The following CFAP61 variants were observed in gnomAD, a reference collection of about 807,000 sequenced individuals.
CFAP61 encodes cilia- and flagella-associated protein 61.
CFAP61 carries 107 observed loss-of-function variants against 135.6 expected under a neutral mutation model. That is an observed-to-expected ratio of 0.79 (90% CI 0.67 to 0.93). CFAP61 has a LOEUF of 0.93. CFAP61 is among the 40% of genes least tolerant of loss of function. The pLI is 0.00. For missense variants in CFAP61, 1,507 were observed against 1,556.2 expected, an observed-to-expected ratio of 0.97 and a Z score of 0.53; for synonymous variants, 575 against 578.5, an observed-to-expected ratio of 0.99 and a Z score of 0.09.
intron 9 of CFAP61, among the ~76,000 whole-genome samples, chr20:20,147,230 TATA>T (rs753070395): frequency 6.6e-5 from 10 of 152,224 alleles, no homozygotes; most frequent in Non-Finnish European, 1.5e-4. Flanking sequence ...GTCTTTTTCA[TATA>T]ATGACTTCTT....
chr20:20,347,795 T>G (rs756277919), intron 26 of CFAP61, among the ~76,000 whole-genome samples: 2 of 152,000 alleles, frequency 1.3e-5, no homozygotes, highest in Non-Finnish European at 2.9e-5. Flanking sequence ...TAGCCCGTCA[T>G]GGTGGCACAT....
intron 17 of CFAP61, among the ~76,000 whole-genome samples, chr20:20,207,189 C>A (rs976216735): frequency 6.6e-6 from 1 of 152,224 alleles, no homozygotes; most frequent in Non-Finnish European, 1.5e-5. Context: ...AGGTAGCAAA[C>A]AAGATGCCCA....
Position 20,065,386 on chromosome 20 carries a change from T to TA in CFAP61, c.144-5456dup, listed in dbSNP as rs11347862. Among the ~76,000 whole-genome samples, 131 of 144,688 alleles carry TA rather than the reference T, an allele frequency of 9.1e-4. 1 individual carries two copies. Among genetic ancestry groups the TA allele is most frequent in the Middle Eastern group, 3.5e-3 (1 of 284 alleles). 94.9% of individuals were successfully genotyped at this position (144,688 alleles called of 152,430 possible). On this transcript the variant is annotated intron_variant, in intron 2 of 26. Coordinates refer to ENST00000245957, the MANE Select transcript of CFAP61 (RefSeq NM_015585.4). ...TCCCCTTGCTCAGACCCCAAACATTTAAAAAAAAAAAAGTTAAAATGGAAT... is the reference window on the plus strand; with the variant it reads ...TCCCCTTGCTCAGACCCCAAACATTTAAAAAAAAAAAAAGTTAAAATGGAAT...
intron 8 of CFAP61, among the ~76,000 whole-genome samples, chr20:20,121,130 A>T (rs1210782597): frequency 3.0e-5 from 4 of 132,242 alleles, no homozygotes; most frequent in Admixed American, 8.4e-5. Context: ...TTTTTGAGAC[A>T]GGGTCTCCCT....
intron 7 of CFAP61, 106 bp from the exon 8 acceptor site, chr20:20,098,549 C>A: frequency 1.0e-6 from 1 of 970,604 alleles, no homozygotes; most frequent in Non-Finnish European, 1.5e-6. Context: ...GCGGAGGTTG[C>A]GGTGAGCCAA....
Position 20,360,396 on chromosome 20 carries a change from C to A in CFAP61, c.3700C>A (p.Pro1234Thr), listed in dbSNP as rs144636018. Reference protein sequence around the residue: ...NRYHLPMYAWPGIV With the variant: ...NRYHLPMYAWTGIV ...CTACCACCTGCCCATGTACGCGTGG[C>A]CAGGCATCGTTTAGTTGTAGGCAGG... Residue 1234 changes from proline to threonine, a missense_variant, in exon 27 of 27, where the codon CCA (proline) becomes ACA (threonine). Pro to Thr is a conservative substitution (Grantham distance 38, BLOSUM62 -1). Transcript: ENST00000245957. 197 of 1,613,614 alleles carry A rather than the reference C, an allele frequency of 1.2e-4. No homozygotes were observed. The highest frequency in any genetic ancestry group is 1.6e-4 in the Non-Finnish European group (190 of 1,179,914).
chr20:20,183,351 G>A (rs1427010545), intron 13 of CFAP61, among the ~76,000 whole-genome samples: 2 of 151,964 alleles, frequency 1.3e-5, no homozygotes, highest in Non-Finnish European at 2.9e-5. Context: ...TAGTAGAGAT[G>A]GAGTTTCACC....
At chr20:20,279,352 G>T (rs1285161475) in intron 22 of CFAP61, among the ~76,000 whole-genome samples, 1 of 152,056 alleles carries the variant, frequency 6.6e-6, no homozygotes, top group Non-Finnish European at 1.5e-5. Flanking sequence ...AGCCTAACTG[G>T]TCACATAAAC....
chr20:20,159,223 A>G, intron 9 of CFAP61, 147 bp from the exon 10 acceptor site: 1 of 652,376 alleles, frequency 1.5e-6, no homozygotes, highest in Non-Finnish European at 2.8e-6. Context: ...ACAGAGGAGG[A>G]AACTGAGGTT....
At chr20:20,308,520 G>A (rs1481255069) in intron 25 of CFAP61, among the ~76,000 whole-genome samples, 1 of 152,156 alleles carries the variant, frequency 6.6e-6, no homozygotes, top group East Asian at 1.9e-4. Flanking sequence ...TCACTCTGCA[G>A]GCCTTGCAAG....
intron 3 of CFAP61, 93 bp downstream of exon 3, chr20:20,071,097 G>A: frequency 7.7e-7 from 1 of 1,294,924 alleles, no homozygotes. Context: ...TTTGTACTGA[G>A]CAGTATATGA....
intron 25 of CFAP61, among the ~76,000 whole-genome samples, chr20:20,309,124 G>A (rs919023500): frequency 2.0e-5 from 3 of 152,136 alleles, no homozygotes; most frequent in Non-Finnish European, 2.9e-5. Flanking sequence ...AGCCACCTGG[G>A]CAGTAGGGAT....
intron 8 of CFAP61, among the ~76,000 whole-genome samples, chr20:20,124,574 T>C (rs1008431525): frequency 1.3e-5 from 2 of 151,900 alleles, no homozygotes; most frequent in African/African-American, 2.4e-5. Flanking sequence ...CATCCCTGCA[T>C]CCCTGGTATG....
intron 22 of CFAP61, among the ~76,000 whole-genome samples, chr20:20,284,414 T>C (rs2054431563): frequency 6.6e-6 from 1 of 151,892 alleles, no homozygotes; most frequent in Admixed American, 6.6e-5. Flanking sequence ...GCTTCCCGAG[T>C]AGCTGGGACT....
intron 6 of CFAP61, among the ~76,000 whole-genome samples, chr20:20,082,119 A>G (rs1450042487): frequency 6.6e-6 from 1 of 152,174 alleles, no homozygotes; most frequent in Non-Finnish European, 1.5e-5. Flanking sequence ...CAGAACATCA[A>G]ATGGGCGTGG....
At chr20:20,082,466 C>G (rs2046499365) in intron 6 of CFAP61, among the ~76,000 whole-genome samples, 1 of 152,212 alleles carries the variant, frequency 6.6e-6, no homozygotes, top group Non-Finnish European at 1.5e-5. Context: ...ATAGCTACTT[C>G]TGGACACACC....
At chr20:20,189,679 C>A (rs977105730) in intron 14 of CFAP61, among the ~76,000 whole-genome samples, 1 of 152,172 alleles carries the variant, frequency 6.6e-6, no homozygotes. Flanking sequence ...TGCCACTAGC[C>A]GCTAAATGCT....
chr20:20,163,314 G>A (rs1412469140), intron 10 of CFAP61, among the ~76,000 whole-genome samples: 1 of 152,156 alleles, frequency 6.6e-6, no homozygotes, highest in Admixed American at 6.5e-5. Context: ...TGACTTTCCA[G>A]GTGGCTGTGG....
At chr20:20,092,477 A>T (rs374195026) in intron 7 of CFAP61, among the ~76,000 whole-genome samples, 2 of 152,208 alleles carry the variant, frequency 1.3e-5, no homozygotes, top group African/African-American at 2.4e-5. Flanking sequence ...TGGAATGAAA[A>T]GTTCTCTTAC....
Sources: allele counts gnomAD v4.1 joint callset (sites outside exome capture counted in the v4.1 genomes callset), GRCh38; gene constraint gnomAD v4.1.1; transcripts MANE v1.5; gene names NCBI Gene and HGNC (gene_info 2026-07-23, HGNC 2026-07-21).